The following CHST11 variants were observed in gnomAD, a reference collection of about 807,000 sequenced individuals.
CHST11 encodes C4S-1.
A neutral mutation model predicts 30.4 loss-of-function variants in CHST11; 9 were observed. The observed-to-expected ratio is 0.30, with a 90% confidence interval of 0.18 to 0.52. The LOEUF (loss-of-function observed/expected upper bound fraction) is 0.52, where lower values mean the gene tolerates loss of function less well. Ranked by LOEUF, CHST11 falls within the 20% of genes least tolerant of loss-of-function variation. CHST11 has a pLI of 0.97. For missense variants in CHST11, 348 were observed against 460.6 expected (o/e 0.76, Z 2.24); for synonymous variants, 152 against 187.8 (o/e 0.81, Z 1.56).
rs1555229082 is a variant in CHST11, at chr12:104,513,124, G to GGGGC, written c.118+55598_118+55599insCGGG. Reference sequence around the variant, plus strand: ...GCCAGTGCTTCCAAATGTCATGACTGGGGGGGGGGGGGGTTGGGGGTGGGG... The same window carrying GGGGC: ...GCCAGTGCTTCCAAATGTCATGACTGGGGCGGGGGGGGGGGGGTTGGGGGTGGGG... On this transcript the variant is annotated intron_variant, in intron 1 of 2. Coordinates refer to ENST00000303694, the MANE Select transcript of CHST11 (RefSeq NM_018413.6). Among the ~76,000 whole-genome samples the GGGGC allele has an allele frequency of 7.2e-3, 279 of 38,772 alleles. 18 individuals carry two copies. The highest frequency in any genetic ancestry group is 0.01 in the Middle Eastern group (1 of 98). 25.4% of individuals were successfully genotyped at this position (38,772 alleles called of 152,430 possible).
At chr12:104,696,085 C>A (rs1028587194) in intron 2 of CHST11, among the ~76,000 whole-genome samples, 4 of 152,056 alleles carry the variant, frequency 2.6e-5, no homozygotes, top group African/African-American at 9.7e-5. Flanking sequence ...CCCAGGGGAG[C>A]CTCCTAGGTA....
At chr12:104,467,321 G>A (rs2037469404) in intron 1 of CHST11, among the ~76,000 whole-genome samples, 1 of 152,150 alleles carries the variant, frequency 6.6e-6, no homozygotes, top group Non-Finnish European at 1.5e-5. Flanking sequence ...GGAAGGTCTG[G>A]TGTCTAGATG....
At chr12:104,533,262 G>A (rs2038203908) in intron 1 of CHST11, among the ~76,000 whole-genome samples, 1 of 152,176 alleles carries the variant, frequency 6.6e-6, no homozygotes, top group African/African-American at 2.4e-5. Context: ...CAAGACTTGA[G>A]GAAGCCAGGG....
chr12:104,682,181 C>T (rs1048807262), intron 2 of CHST11, among the ~76,000 whole-genome samples: 2 of 152,006 alleles, frequency 1.3e-5, no homozygotes, highest in African/African-American at 2.4e-5. Context: ...TGACAAATGC[C>T]GAAATAATAT....
chr12:104,714,250 GC>G (rs2040111226), intron 2 of CHST11, among the ~76,000 whole-genome samples: 1 of 152,212 alleles, frequency 6.6e-6, no homozygotes, highest in Non-Finnish European at 1.5e-5. Context: ...CCTCCCTTTG[GC>G]TGGGGAGTGC....
chr12:104,518,158 G>A (rs2038043072), intron 1 of CHST11, among the ~76,000 whole-genome samples: 1 of 152,092 alleles, frequency 6.6e-6, no homozygotes, highest in Non-Finnish European at 1.5e-5. Context: ...GCAGTGGCAC[G>A]TGCCTGTAGT....
At chr12:104,562,527 A>T (rs1294858380) in intron 1 of CHST11, among the ~76,000 whole-genome samples, 3 of 152,208 alleles carry the variant, frequency 2.0e-5, no homozygotes, top group African/African-American at 7.2e-5. Flanking sequence ...CCTCAGGCTA[A>T]AGTGACTGCA....
chr12:104,717,929 G>A (rs1226475381), intron 2 of CHST11, among the ~76,000 whole-genome samples: 4 of 152,240 alleles, frequency 2.6e-5, no homozygotes, highest in African/African-American at 7.2e-5. Context: ...CAGCCTGGGC[G>A]ACAGAGCAAG....
chr12:104,466,472 A>G (rs1422994216), intron 1 of CHST11, among the ~76,000 whole-genome samples: 3 of 152,248 alleles, frequency 2.0e-5, no homozygotes, highest in African/African-American at 7.2e-5. Flanking sequence ...TCGTGACCCC[A>G]TCTCCATGCT....
At chr12:104,634,659 AG>A (rs1483053043) in intron 2 of CHST11, among the ~76,000 whole-genome samples, 1 of 152,178 alleles carries the variant, frequency 6.6e-6, no homozygotes, top group African/African-American at 2.4e-5. Context: ...TGATCATGTC[AG>A]GGCCCTTTAC....
In CHST11 at chr12:104,637,310, A is replaced by ACTC. The variant is rs1461040707; in HGVS notation, c.204+35319_204+35320insCTC. On this transcript the variant is annotated intron_variant, in intron 2 of 2. Coordinates refer to ENST00000303694, the MANE Select transcript of CHST11 (RefSeq NM_018413.6). ...ATGGGAGTGAGACCCTGTAAAAAAA[A>ACTC]AAAAAAAAAAAAAAAAAAAAAAAAA... 4.0e-4 allele frequency among the ~76,000 whole-genome samples: 7 copies of ACTC among 17,286 alleles called. 1 individual carries two copies. Among genetic ancestry groups the ACTC allele is most frequent in the African/African-American group, 1.2e-3 (7 of 5,746 alleles). The allele number at this position is 17,286 out of a possible 152,430, so 11.3% of individuals were successfully genotyped here.
intron 2 of CHST11, among the ~76,000 whole-genome samples, chr12:104,655,339 G>A (rs982389677): frequency 3.9e-5 from 6 of 152,212 alleles, no homozygotes; most frequent in East Asian, 1.9e-4. Context: ...TGATTGATGC[G>A]TGAGATGCCA....
intron 1 of CHST11, among the ~76,000 whole-genome samples, chr12:104,587,975 T>C (rs1029042983): frequency 6.6e-6 from 1 of 152,092 alleles, no homozygotes; most frequent in African/African-American, 2.4e-5. Context: ...AATTGTTCAA[T>C]TAAGTCTTTC....
chr12:104,486,060 C>T (rs1362923677), intron 1 of CHST11, among the ~76,000 whole-genome samples: 2 of 152,194 alleles, frequency 1.3e-5, no homozygotes, highest in Non-Finnish European at 2.9e-5. Flanking sequence ...GTGTGCCCAT[C>T]TTCGTCTTCC....
At chr12:104,602,557 G>C (rs1014535725) in intron 2 of CHST11, among the ~76,000 whole-genome samples, 1 of 152,202 alleles carries the variant, frequency 6.6e-6, no homozygotes, top group South Asian at 2.1e-4. Context: ...CAAAAGAAAA[G>C]CTCCAACCAA....
intron 2 of CHST11, among the ~76,000 whole-genome samples, chr12:104,669,209 C>T (rs1375462340): frequency 2.0e-5 from 3 of 152,168 alleles, no homozygotes; most frequent in African/African-American, 4.8e-5. Flanking sequence ...CCTCCTCACA[C>T]TCCCCTCCCC....
chr12:104,700,475 G>A (rs1312730818), intron 2 of CHST11, among the ~76,000 whole-genome samples: 2 of 152,068 alleles, frequency 1.3e-5, no homozygotes, highest in Non-Finnish European at 2.9e-5. Flanking sequence ...AATCATCTAG[G>A]CTCATATCCC....
At chr12:104,518,541 G>A (rs552064019) in intron 1 of CHST11, among the ~76,000 whole-genome samples, 4 of 152,254 alleles carry the variant, frequency 2.6e-5, no homozygotes, top group South Asian at 2.1e-4. Context: ...GAAGGACCCC[G>A]GGCAGATTCA....
At chr12:104,666,063 C>T (rs2039640098) in intron 2 of CHST11, among the ~76,000 whole-genome samples, 1 of 151,966 alleles carries the variant, frequency 6.6e-6, no homozygotes. Context: ...CATGATTCGC[C>T]CGCCTCGGCC....
Sources: allele counts gnomAD v4.1 joint callset (sites outside exome capture counted in the v4.1 genomes callset), GRCh38; gene constraint gnomAD v4.1.1; transcripts MANE v1.5; gene names NCBI Gene and HGNC (gene_info 2026-07-23, HGNC 2026-07-21).